Variants in KCNH8 observed in about 807,000 individuals in gnomAD.
KCNH8 encodes the protein voltage-gated delayed rectifier potassium channel KCNH8.
A neutral mutation model predicts 103.6 loss-of-function variants in KCNH8; 70 were observed. The ratio of observed to expected loss-of-function variants is 0.68; its 90% CI spans 0.56 to 0.82. KCNH8 has a LOEUF of 0.82. Among genes scored for constraint, KCNH8 ranks in the 40% least tolerant of loss-of-function variants. The pLI is 0.00. For missense variants in KCNH8, 1,217 were observed against 1,329.9 expected (o/e 0.92, Z 1.32); for synonymous variants, 498 against 489.4 (o/e 1.02, Z -0.23).
chr3:19,278,498 AAGGGAGGG>A (rs367867427), intron 2 of KCNH8, among the ~76,000 whole-genome samples: 1 of 106,174 alleles, frequency 9.4e-6, no homozygotes, highest in Non-Finnish European at 1.8e-5. Flanking sequence ...GGAAATGAGG[AAGGGAGGG>A]AGGGAGGGAA....
chr3:19,463,533 G>T (rs555695561), intron 11 of KCNH8, among the ~76,000 whole-genome samples: 1 of 151,864 alleles, frequency 6.6e-6, no homozygotes, highest in South Asian at 2.1e-4. Flanking sequence ...AAAAACATTA[G>T]AAATATAAAA....
chr3:19,239,422 A>G (rs2064107051), intron 1 of KCNH8, among the ~76,000 whole-genome samples: 1 of 152,222 alleles, frequency 6.6e-6, no homozygotes, highest in Non-Finnish European at 1.5e-5. Context: ...TTTAATAGAA[A>G]TGAAAATCTT....
At chr3:19,302,576 C>T (rs2065076614) in intron 3 of KCNH8, among the ~76,000 whole-genome samples, 1 of 152,130 alleles carries the variant, frequency 6.6e-6, no homozygotes, top group Non-Finnish European at 1.5e-5. Flanking sequence ...CCAATCATCC[C>T]ATTAGATTTT....
intron 1 of KCNH8, among the ~76,000 whole-genome samples, chr3:19,166,407 T>C (rs2125189922): frequency 6.6e-6 from 1 of 152,342 alleles, no homozygotes; most frequent in Admixed American, 6.5e-5. Flanking sequence ...AATACACTTT[T>C]GTATAATGCT....
At chr3:19,260,532 A>G (rs1179077312) in intron 2 of KCNH8, among the ~76,000 whole-genome samples, 2 of 116,724 alleles carry the variant, frequency 1.7e-5, no homozygotes, top group Non-Finnish European at 1.8e-5. Flanking sequence ...ATATATATAT[A>G]TAGTAAAATG....
At chr3:19,308,646 TG>T (rs1319304031) in intron 3 of KCNH8, among the ~76,000 whole-genome samples, 23 of 112,030 alleles carry the variant, frequency 2.1e-4, no homozygotes, top group Admixed American at 5.4e-4. Context: ...CTGTGAATGT[TG>T]GGGTCTCTCT....
intron 11 of KCNH8, among the ~76,000 whole-genome samples, chr3:19,479,618 T>A (rs753483355): frequency 6.6e-6 from 1 of 152,146 alleles, no homozygotes; most frequent in East Asian, 1.9e-4. Flanking sequence ...ATGGGTGTTA[T>A]TTACTATTTA....
rs923037518 is a variant in KCNH8 at position 19,390,549 on chromosome 3, A to G, written c.880A>G (p.Ile294Val). 7.4e-6 allele frequency: 12 copies of G among 1,613,320 alleles called. No individual in the cohort carries two copies. Among genetic ancestry groups the G allele is most frequent in the Admixed American group, 1.7e-5 (1 of 59,922 alleles). ...SGQVIFEARS[I>V]CIHYVTTWFI... The stretch of plus-strand genomic sequence containing the variant: ...CCAAGTTATCTTTGAAGCAAGATCA[A>G]TTTGCATCCACTATGTCACAACCTG... Residue 294 changes from isoleucine (I) to valine (V), a missense_variant, in exon 6 of 16, where the codon ATT (isoleucine) becomes GTT (valine). This residue lies in a region of KCNH8 where 415 missense variants were observed against 577.4 expected (regional missense o/e 0.72). Coordinates refer to ENST00000328405, the MANE Select transcript of KCNH8 (RefSeq NM_144633.3).
At chr3:19,377,191 A>C (rs34208140) in intron 5 of KCNH8, among the ~76,000 whole-genome samples, 35,507 of 152,156 alleles carry the variant, frequency 0.23, 4,558 homozygotes, top group Middle Eastern at 0.31. Flanking sequence ...AAACTAAAAT[A>C]AAAGATATTA....
chr3:19,416,273 C>G (rs753692257), intron 7 of KCNH8, among the ~76,000 whole-genome samples: 2 of 151,862 alleles, frequency 1.3e-5, no homozygotes, highest in Non-Finnish European at 2.9e-5. Context: ...TTATATATTT[C>G]CATTAGATCA....
chr3:19,148,711 G>C lies in KCNH8; in HGVS notation c.-9G>C, dbSNP rs756241512. 1.2e-6 allele frequency: 2 copies of C among 1,613,824 alleles called. No homozygotes were observed. The highest frequency in any genetic ancestry group is 2.2e-5 in the East Asian group (1 of 44,868). The stretch of plus-strand genomic sequence containing the variant: ...ACTTTGATGGAGAATTTCACACCAC[G>C]CTGGAAAAATGCCGGTTATGAAAGG... On this transcript the variant is annotated 5_prime_UTR_variant, in exon 1 of 16. Coordinates refer to ENST00000328405, the MANE Select transcript of KCNH8 (RefSeq NM_144633.3).
At chr3:19,505,518 A>G (rs941919453) in intron 11 of KCNH8, among the ~76,000 whole-genome samples, 2 of 152,130 alleles carry the variant, frequency 1.3e-5, no homozygotes, top group Non-Finnish European at 2.9e-5. Context: ...TCGAGTTTCT[A>G]CTGAAAGGTC....
At chr3:19,495,653 G>C (rs765694266) in intron 11 of KCNH8, among the ~76,000 whole-genome samples, 7 of 151,492 alleles carry the variant, frequency 4.6e-5, no homozygotes, top group Non-Finnish European at 5.9e-5. Flanking sequence ...CCTCAGCTTT[G>C]TCTTTTTGCT....
intron 15 of KCNH8, among the ~76,000 whole-genome samples, chr3:19,521,558 C>A (rs2068970849): frequency 6.6e-6 from 1 of 151,582 alleles, no homozygotes; most frequent in Non-Finnish European, 1.5e-5. Flanking sequence ...CTAACAGTGC[C>A]CAGTAGAGTA....
chr3:19,322,122 T>A (rs748856697), intron 3 of KCNH8, among the ~76,000 whole-genome samples: 5 of 152,180 alleles, frequency 3.3e-5, no homozygotes, highest in Non-Finnish European at 5.9e-5. Context: ...GATACATAGT[T>A]CATGAATTCT....
intron 8 of KCNH8, among the ~76,000 whole-genome samples, chr3:19,438,603 G>A (rs539100416): frequency 1.3e-5 from 2 of 152,246 alleles, no homozygotes; most frequent in East Asian, 1.9e-4. Flanking sequence ...AGATTAACAC[G>A]TGGGGCTCCT....
At chr3:19,235,454 A>AAG (rs1391183496) in intron 1 of KCNH8, among the ~76,000 whole-genome samples, 2 of 152,200 alleles carry the variant, frequency 1.3e-5, no homozygotes, top group African/African-American at 4.8e-5. Context: ...CTTCTGGGGA[A>AAG]AGATGAGAGG....
chr3:19,282,751 A>T (rs984160601), intron 3 of KCNH8, among the ~76,000 whole-genome samples: 2 of 152,146 alleles, frequency 1.3e-5, no homozygotes, highest in African/African-American at 4.8e-5. Flanking sequence ...TGCAGTGAAT[A>T]ACAGCGGTGA....
At chr3:19,152,272 A>G (rs1429526667) in intron 1 of KCNH8, among the ~76,000 whole-genome samples, 4 of 152,216 alleles carry the variant, frequency 2.6e-5, no homozygotes, top group Non-Finnish European at 5.9e-5. Flanking sequence ...ATATTTGAAA[A>G]AATATATACC....
Sources: allele counts gnomAD v4.1 joint callset (sites outside exome capture counted in the v4.1 genomes callset), GRCh38; gene constraint gnomAD v4.1.1; regional missense constraint gnomAD v4.1.1; transcripts MANE v1.5; gene names NCBI Gene and HGNC (gene_info 2026-07-23, HGNC 2026-07-21).